Variants in ELF1 observed in about 807,000 individuals in gnomAD.
ELF1 encodes ETS-related transcription factor Elf-1.
In ELF1, 24 loss-of-function variants were observed where a neutral mutation model predicts 59.9. The ratio of observed to expected loss-of-function variants is 0.40; its 90% CI spans 0.29 to 0.56. The LOEUF is 0.56. ELF1 is among the 20% of genes least tolerant of loss of function. The probability of loss-of-function intolerance (pLI) is 0.44; values close to 1 mark genes in which losing one functional copy is unlikely to be tolerated. For synonymous variants in ELF1, 248 were observed against 266.2 expected (o/e 0.93, Z 0.67); for missense variants, 627 against 742.2 (o/e 0.84, Z 1.80).
upstream of ELF1, among the ~76,000 whole-genome samples, chr13:41,021,030 C>G (rs1441215292): frequency 6.6e-6 from 1 of 151,936 alleles, no homozygotes; most frequent in Non-Finnish European, 1.5e-5. Context: ...GATATGAAGC[C>G]ATTATATAAG....
At chr13:40,982,426 T>C (rs1400129538) in intron 1 of ELF1, 144 bp from the exon 2 acceptor site, 1 of 401,010 alleles carries the variant, frequency 2.5e-6, no homozygotes, top group Non-Finnish European at 3.4e-6. Context: ...GCACATACGC[T>C]CTTTTTTAAA....
chr13:41,011,644 G>GT, intron 1 of ELF1, among the ~76,000 whole-genome samples: 1 of 151,666 alleles, frequency 6.6e-6, no homozygotes, highest in Non-Finnish European at 1.5e-5. Flanking sequence ...GGGTTTCATC[G>GT]TATTTTGCAG....
At chr13:40,993,131 C>T (rs958067219) in intron 1 of ELF1, 62 of 1,567,522 alleles carry the variant, frequency 4.0e-5, no homozygotes, top group Non-Finnish European at 4.9e-5. Context: ...TTTGGCATTC[C>T]TCTAGGACCT....
intron 2 of ELF1, among the ~76,000 whole-genome samples, chr13:40,964,280 T>C (rs1015445173): frequency 1.8e-4 from 27 of 152,232 alleles, no homozygotes; most frequent in African/African-American, 6.3e-4. Context: ...TTGGGACTTA[T>C]ATTAGTTTGC....
intron 1 of ELF1, among the ~76,000 whole-genome samples, chr13:40,990,009 T>C (rs1873758694): frequency 6.8e-6 from 1 of 146,554 alleles, no homozygotes; most frequent in Non-Finnish European, 1.5e-5. Flanking sequence ...TAAACATTGG[T>C]GGAGTACAAT....
chr13:41,025,132 T>C (rs145909332), intron 1 of ELF1, among the ~76,000 whole-genome samples: 5 of 151,932 alleles, frequency 3.3e-5, no homozygotes, highest in African/African-American at 1.2e-4. Flanking sequence ...TTTCCCTAAC[T>C]TTTCCAGCCC....
intron 1 of ELF1, among the ~76,000 whole-genome samples, chr13:41,050,123 T>C (rs1281113687): frequency 2.6e-5 from 4 of 152,214 alleles, no homozygotes; most frequent in Admixed American, 6.5e-5. Flanking sequence ...AAAACTCTTT[T>C]CATCTTTCAA....
At chr13:40,988,119 C>G (rs1300666417) in intron 1 of ELF1, among the ~76,000 whole-genome samples, 1 of 152,182 alleles carries the variant, frequency 6.6e-6, no homozygotes, top group Non-Finnish European at 1.5e-5. Context: ...GTAGAAGGCT[C>G]TATATTAGCT....
chr13:40,935,239 G>GA (rs1182752478), intron 8 of ELF1, among the ~76,000 whole-genome samples: 1 of 152,158 alleles, frequency 6.6e-6, no homozygotes, highest in East Asian at 1.9e-4. Flanking sequence ...AAATGGTGTT[G>GA]AAAAATCTCA....
chr13:40,962,037 A>G (rs1002829825), intron 2 of ELF1, among the ~76,000 whole-genome samples: 1 of 152,178 alleles, frequency 6.6e-6, no homozygotes, highest in Non-Finnish European at 1.5e-5. Flanking sequence ...GTTTTGGTTA[A>G]CCACAGATAC....
At chr13:41,029,969 T>C (rs971683911) in intron 1 of ELF1, among the ~76,000 whole-genome samples, 1 of 152,128 alleles carries the variant, frequency 6.6e-6, no homozygotes, top group East Asian at 1.9e-4. Flanking sequence ...AAATTAGATA[T>C]GCAGTCCTGG....
intron 1 of ELF1, among the ~76,000 whole-genome samples, chr13:41,035,459 C>A (rs887756428): frequency 6.6e-6 from 1 of 151,716 alleles, no homozygotes; most frequent in African/African-American, 2.4e-5. Flanking sequence ...TCATTTAGAC[C>A]ACTGTATAGG....
At chr13:40,995,751 A>C (rs1874097603) in intron 1 of ELF1, among the ~76,000 whole-genome samples, 1 of 152,254 alleles carries the variant, frequency 6.6e-6, no homozygotes, top group Non-Finnish European at 1.5e-5. Flanking sequence ...GGAAAATAGG[A>C]AACAATAAAA....
chr13:41,035,905 CTT>C (rs537271056), intron 1 of ELF1, among the ~76,000 whole-genome samples: 22 of 141,714 alleles, frequency 1.6e-4, no homozygotes, highest in Non-Finnish European at 3.2e-4. Flanking sequence ...TTCTTTTTTT[CTT>C]TTTTTTTTTT....
chr13:41,035,179 A>G (rs1290490241), intron 1 of ELF1, among the ~76,000 whole-genome samples: 1 of 152,228 alleles, frequency 6.6e-6, no homozygotes, highest in Admixed American at 6.5e-5. Flanking sequence ...TTGCATTTTG[A>G]GCACTCAAGG....
At chr13:40,983,137 T>C (rs1169456071) in intron 1 of ELF1, among the ~76,000 whole-genome samples, 1 of 152,208 alleles carries the variant, frequency 6.6e-6, no homozygotes, top group East Asian at 1.9e-4. Context: ...AGGAAAAAAT[T>C]CTTTAGGTGT....
At chr13:40,970,886 T>C (rs1367929194) in intron 2 of ELF1, among the ~76,000 whole-genome samples, 1 of 152,222 alleles carries the variant, frequency 6.6e-6, no homozygotes, top group Non-Finnish European at 1.5e-5. Flanking sequence ...AGTCTTTCAA[T>C]ATAATAAACT....
intron 8 of ELF1, 35 bp downstream of exon 8, chr13:40,940,886 T>C: frequency 6.4e-7 from 1 of 1,563,910 alleles, no homozygotes; most frequent in Non-Finnish European, 8.7e-7. Context: ...AGAAACATAT[T>C]GAAGTGATAA....
At chr13:40,978,578 G>T (rs953327673) in intron 2 of ELF1, among the ~76,000 whole-genome samples, 1 of 151,866 alleles carries the variant, frequency 6.6e-6, no homozygotes, top group East Asian at 1.9e-4. Flanking sequence ...ATTGTTAAAA[G>T]ACAACACTAG....
Sources: gnomAD v4.1 joint callset for allele counts (sites outside exome capture counted in the v4.1 genomes callset) on GRCh38, gnomAD v4.1.1 for gene constraint, MANE v1.5 for transcripts, NCBI Gene and HGNC (gene_info 2026-07-23, HGNC 2026-07-21) for gene names.